The following VMP1 variants were observed in gnomAD, a reference collection of about 807,000 sequenced individuals.
The protein encoded by VMP1 is vacuole membrane protein 1.
Under a neutral mutation model 56.0 loss-of-function variants are expected in VMP1, and 11 were observed. The observed-to-expected ratio is 0.20, with a 90% CI of 0.12 to 0.32. The LOEUF is 0.32. VMP1 is among the 10% of genes least tolerant of loss of function. The probability of loss-of-function intolerance (pLI) is 1.00; values close to 1 mark genes in which losing one functional copy is unlikely to be tolerated. For synonymous variants in VMP1, 149 were observed against 165.0 expected, an observed-to-expected ratio of 0.90 and a Z score of 0.74; for missense variants, 296 against 490.3, an observed-to-expected ratio of 0.60 and a Z score of 3.74.
chr17:59,769,154 C>CT lies in VMP1; in HGVS notation c.582+4033dup, dbSNP rs61495451. The stretch of plus-strand genomic sequence containing the variant: ...TATAAATAAATAAATAAAATGAAAA[C>CT]TTTTTTTTTTTTTTTTTAAAGACAG... On this transcript the variant is annotated intron_variant, in intron 6 of 11. Transcript: ENST00000262291. 3.8e-3 allele frequency among the ~76,000 whole-genome samples: 528 copies of CT among 137,738 alleles called. 17 individuals are homozygous for CT. Among genetic ancestry groups the CT allele is most frequent in the Admixed American group, 0.034 (476 of 13,948 alleles). 90.4% of individuals were successfully genotyped at this position (137,738 alleles called of 152,430 possible). A position where few individuals can be genotyped will look rare whatever the true frequency, so the allele number is the denominator to read the frequency against.
At chr17:59,723,596 T>C (rs921302725) in intron 1 of VMP1, among the ~76,000 whole-genome samples, 1 of 152,188 alleles carries the variant, frequency 6.6e-6, no homozygotes, top group African/African-American at 2.4e-5. Flanking sequence ...AATTTGATGA[T>C]GAGTAAGTGG....
chr17:59,800,579 G>A (rs1389940375), intron 7 of VMP1, among the ~76,000 whole-genome samples: 3 of 152,082 alleles, frequency 2.0e-5, no homozygotes, highest in Admixed American at 2.0e-4. Flanking sequence ...CCAAAAGAAA[G>A]CATTATTAGC....
chr17:59,755,376 C>T lies in VMP1; in HGVS notation c.415-9595C>T, dbSNP rs369024139. 3.2e-4 allele frequency among the ~76,000 whole-genome samples: 49 copies of T among 152,180 alleles called. No homozygotes were observed. The South Asian group carries it at 9.7e-3, about 30-fold the overall frequency. The stretch of plus-strand genomic sequence containing the variant: ...CTGCCCGCCTCAGCCTCCCAAACTG[C>T]TGGGATTACAGGCGTGAGCCACCAC... On this transcript the variant is annotated intron_variant, in intron 5 of 11. Coordinates refer to ENST00000262291, the MANE Select transcript of VMP1 (RefSeq NM_030938.5).
chr17:59,761,938 C>T (rs1371835297), intron 5 of VMP1, among the ~76,000 whole-genome samples: 2 of 152,200 alleles, frequency 1.3e-5, no homozygotes, highest in Non-Finnish European at 2.9e-5. Flanking sequence ...GCAGGAGCAA[C>T]ATGCTTTGTT....
intron 10 of VMP1, among the ~76,000 whole-genome samples, chr17:59,835,759 G>A (rs1392704033): frequency 1.3e-5 from 2 of 150,514 alleles, no homozygotes; most frequent in African/African-American, 2.4e-5. Context: ...CAAAGTGCTG[G>A]GATTACAGGC....
chr17:59,840,006 C>T lies in VMP1; in HGVS notation c.*95C>T. The T allele has an allele frequency of 2.0e-6, 3 of 1,510,776 alleles. No homozygotes were observed. The highest frequency in any genetic ancestry group is 2.7e-6 in the Non-Finnish European group (3 of 1,118,650). 93.6% of individuals were successfully genotyped at this position (1,510,776 alleles called of 1,614,324 possible). A position where few individuals can be genotyped will look rare whatever the true frequency, so the allele number is the denominator to read the frequency against. ...CGGGAAGGAAAATTCCCTTTTCCAA[C>T]CTGTATCAATTTTTACAACTTTTTT... On this transcript the variant is annotated 3_prime_UTR_variant, in exon 12 of 12. Coordinates refer to ENST00000262291, the MANE Select transcript of VMP1 (RefSeq NM_030938.5).
intron 10 of VMP1, among the ~76,000 whole-genome samples, chr17:59,836,495 G>A (rs2038985565): frequency 6.6e-6 from 1 of 152,110 alleles, no homozygotes; most frequent in Admixed American, 6.6e-5. Context: ...ACCACACATG[G>A]CCTAGAGGAC....
intron 7 of VMP1, among the ~76,000 whole-genome samples, chr17:59,774,420 AAAAAG>A (rs944701172): frequency 9.0e-5 from 13 of 144,234 alleles, no homozygotes; most frequent in Non-Finnish European, 1.7e-4. Flanking sequence ...TCTAAAAAAA[AAAAAG>A]AAAGAAAGAA....
chr17:59,820,609 T>C (rs1394602409), intron 10 of VMP1, among the ~76,000 whole-genome samples: 2 of 152,224 alleles, frequency 1.3e-5, no homozygotes, highest in African/African-American at 2.4e-5. Flanking sequence ...CAGCAACGTA[T>C]ACTACATGCA....
intron 5 of VMP1, among the ~76,000 whole-genome samples, chr17:59,757,291 A>AGATG (rs2035879399): frequency 7.0e-6 from 1 of 143,124 alleles, no homozygotes; most frequent in Non-Finnish European, 1.5e-5. Context: ...ATAGATAGAT[A>AGATG]GATGTGGTTT....
At chr17:59,789,540 G>C (rs2037144432) in intron 7 of VMP1, among the ~76,000 whole-genome samples, 1 of 150,178 alleles carries the variant, frequency 6.7e-6, no homozygotes, top group Non-Finnish European at 1.5e-5. Flanking sequence ...AAAAAAAAAA[G>C]GCCCTGTATT....
At chr17:59,715,148 T>A (rs765004274) in intron 1 of VMP1, among the ~76,000 whole-genome samples, 6 of 152,264 alleles carry the variant, frequency 3.9e-5, no homozygotes, top group Non-Finnish European at 5.9e-5. Flanking sequence ...GTTTTTGCAT[T>A]TCTATAAATA....
chr17:59,795,371 C>A (rs1410068687), intron 7 of VMP1, among the ~76,000 whole-genome samples: 1 of 152,052 alleles, frequency 6.6e-6, no homozygotes, highest in Non-Finnish European at 1.5e-5. Flanking sequence ...TCCGCCTCAG[C>A]CTCCCAAAGT....
At chr17:59,784,140 T>TGAGAGAGAGA (rs548784981) in intron 7 of VMP1, among the ~76,000 whole-genome samples, 57 of 134,160 alleles carry the variant, frequency 4.2e-4, no homozygotes, top group African/African-American at 1.6e-3. Context: ...TGTGTGTGTG[T>TGAGAGAGAGA]GTGAGAGAGA....
chr17:59,719,033 C>A (rs1427989395), intron 1 of VMP1, among the ~76,000 whole-genome samples: 2 of 152,076 alleles, frequency 1.3e-5, no homozygotes, highest in Non-Finnish European at 2.9e-5. Context: ...TTTGAATTAT[C>A]TTTGGCCTTA....
chr17:59,777,689 C>A (rs1165139156), intron 7 of VMP1, among the ~76,000 whole-genome samples: 1 of 152,060 alleles, frequency 6.6e-6, no homozygotes, highest in Non-Finnish European at 1.5e-5. Context: ...TCGTATGCGC[C>A]TGTAGTCCCA....
chr17:59,792,891 T>A (rs548442739), intron 7 of VMP1, among the ~76,000 whole-genome samples: 354 of 30,224 alleles, frequency 0.012, 55 homozygotes, highest in African/African-American at 0.028. Flanking sequence ...TTATTATTAT[T>A]ATCAGATGAG....
chr17:59,806,010 T>G (rs2645489), intron 7 of VMP1, among the ~76,000 whole-genome samples: 38,265 of 152,062 alleles, frequency 0.25, 5,191 homozygotes, highest in East Asian at 0.44. Flanking sequence ...TATATTTAAT[T>G]CTTGTGCTAT....
At chr17:59,711,078 A>G (rs528119369) in intron 1 of VMP1, among the ~76,000 whole-genome samples, 25 of 151,984 alleles carry the variant, frequency 1.6e-4, no homozygotes, top group Non-Finnish European at 3.2e-4. Context: ...ATCTCAAAAA[A>G]AAAAGAGAAG....
Sources: gnomAD v4.1 joint callset for allele counts (sites outside exome capture counted in the v4.1 genomes callset) on GRCh38, gnomAD v4.1.1 for gene constraint, MANE v1.5 for transcripts, NCBI Gene and HGNC (gene_info 2026-07-23, HGNC 2026-07-21) for gene names.